The following BCO2 variants were observed in gnomAD, a reference collection of about 807,000 sequenced individuals.
BCO2 encodes the protein carotenoid-cleaving dioxygenase, mitochondrial.
BCO2 carries 56 observed loss-of-function variants against 65.8 expected under a neutral mutation model. The observed-to-expected ratio is 0.85, with a 90% CI of 0.69 to 1.06. BCO2 has a LOEUF of 1.06. Among genes scored for constraint, BCO2 ranks in the 50% least tolerant of loss-of-function variants. The pLI, the probability that BCO2 is intolerant of heterozygous loss-of-function variation, is 0.00. For missense variants in BCO2, 675 were observed against 698.5 expected, an observed-to-expected ratio of 0.97 and a Z score of 0.38; for synonymous variants, 233 against 242.3, an observed-to-expected ratio of 0.96 and a Z score of 0.36.
chr11:112,199,073 A>G (rs946143854), intron 5 of BCO2, among the ~76,000 whole-genome samples: 2 of 152,082 alleles, frequency 1.3e-5, no homozygotes, highest in Non-Finnish European at 2.9e-5. Flanking sequence ...CCTGTCATCT[A>G]CATTAGGTAT....
chr11:112,197,898 G>T (rs933348578), intron 5 of BCO2, among the ~76,000 whole-genome samples: 4 of 152,156 alleles, frequency 2.6e-5, no homozygotes, highest in African/African-American at 9.7e-5. Flanking sequence ...TTTTGCATTT[G>T]CTCTTCCCTC....
chr11:112,201,732 T>C (rs1429166325), intron 7 of BCO2, among the ~76,000 whole-genome samples: 1 of 152,220 alleles, frequency 6.6e-6, no homozygotes, highest in Admixed American at 6.5e-5. Flanking sequence ...GATTTACATA[T>C]CACTCAAAAC....
At position 112,181,499 on chromosome 11, in the gene BCO2, G is replaced by A. The variant is rs1867049927; in HGVS notation, c.293+2017G>A. 6.9e-6 allele frequency: 5 copies of A among 720,370 alleles called. No individual in the cohort carries two copies. The East Asian group carries it at 7.9e-5, about 11-fold the overall frequency. 44.6% of individuals were successfully genotyped at this position (720,370 alleles called of 1,614,324 possible). On this transcript the variant is annotated intron_variant, in intron 2 of 11. Coordinates refer to ENST00000357685, the MANE Select transcript of BCO2 (RefSeq NM_031938.7). ...CCCGGCCGAGCTTTCTTAATTGACC[G>A]AAGTCCTGAGTACTTTGAACCCATT... is the stretch of plus-strand genomic sequence containing the variant.
chr11:112,187,242 G>A (rs1198424308), intron 2 of BCO2, among the ~76,000 whole-genome samples: 1 of 151,860 alleles, frequency 6.6e-6, no homozygotes, highest in Non-Finnish European at 1.5e-5. Context: ...AGACTTTACC[G>A]TCAGTCACTT....
chr11:112,208,111 C>T (rs1859399256), intron 8 of BCO2, among the ~76,000 whole-genome samples: 2 of 152,128 alleles, frequency 1.3e-5, no homozygotes, highest in Admixed American at 1.3e-4. Flanking sequence ...AGGCATGTGC[C>T]ACCATTCCTG....
intron 1 of BCO2, chr11:112,176,293 GGTA>G (rs1269802089): frequency 2.0e-5 from 3 of 152,520 alleles, no homozygotes; most frequent in Non-Finnish European, 2.9e-5. Flanking sequence ...AAGGAGTACT[GGTA>G]GTATCATTTA....
At chr11:112,183,931 A>G (rs1178991097) in intron 2 of BCO2, among the ~76,000 whole-genome samples, 2 of 152,194 alleles carry the variant, frequency 1.3e-5, no homozygotes, top group Non-Finnish European at 2.9e-5. Context: ...AACACTTACA[A>G]ATGAGAATTT....
intron 2 of BCO2, chr11:112,181,002 C>T (rs1867025787): frequency 7.1e-7 from 1 of 1,401,566 alleles, no homozygotes; most frequent in Non-Finnish European, 1.0e-6. Context: ...CAGACAGATT[C>T]TAAGCCTCCT....
chr11:112,184,883 G>A (rs535767745), intron 2 of BCO2, among the ~76,000 whole-genome samples: 1 of 152,170 alleles, frequency 6.6e-6, no homozygotes, highest in African/African-American at 2.4e-5. Flanking sequence ...ATCATTGAAA[G>A]CCACCTGTGT....
At chr11:112,216,172 C>G in intron 10 of BCO2, 48 bp from the exon 11 acceptor site, 1 of 1,290,612 alleles carries the variant, frequency 7.7e-7, no homozygotes, top group Middle Eastern at 1.8e-4. Context: ...TAGAAAGCTC[C>G]CTACTTACTA....
At chr11:112,216,403 CTCA>C in intron 11 of BCO2, 73 bp downstream of exon 11, 2 of 1,066,498 alleles carry the variant, frequency 1.9e-6, no homozygotes. Flanking sequence ...AGGATGCACA[CTCA>C]TCTGTCGATA....
intron 2 of BCO2, among the ~76,000 whole-genome samples, chr11:112,184,003 C>A (rs943862427): frequency 1.3e-5 from 2 of 152,194 alleles, no homozygotes; most frequent in African/African-American, 4.8e-5. Context: ...TGTCTGTTTA[C>A]ACTATTAGCC....
Position 112,179,409 on chromosome 11 carries a change from G to A in BCO2, c.220G>A (p.Gly74Arg), listed in dbSNP as rs1866969673. Residue 74 changes from glycine to arginine, a missense_variant, in exon 2 of 12, where the codon GGA becomes AGA. Physicochemically the swap from Gly to Arg is moderately radical, Grantham distance 125. Transcript: ENST00000357685. ...ACGGGGCATCTCTGCTCGAGTCTGG[G>A]GACATTTTCCTAAGTGGCTCAATGG... ...APRGISARVW[G>R]HFPKWLNGSL... is the part of the protein sequence containing the mutation. 1.2e-6 allele frequency: 2 copies of A among 1,614,126 alleles called. No individual in the cohort carries two copies. Among genetic ancestry groups the A allele is most frequent in the South Asian group, 1.1e-5 (1 of 91,086 alleles).
intron 2 of BCO2, chr11:112,180,769 C>G: frequency 1.1e-6 from 1 of 947,134 alleles, no homozygotes; most frequent in Non-Finnish European, 1.7e-6. Flanking sequence ...GTGGGGGCAG[C>G]GTGATGAGGC....
At position 112,175,673 on chromosome 11, in the gene BCO2, G is replaced by C. The variant is rs1422906737; in HGVS notation, c.72G>C (p.Met24Ile). 1 of 1,613,400 alleles carries C rather than the reference G, an allele frequency of 6.2e-7. No homozygotes were observed. The highest frequency in any genetic ancestry group is 1.3e-5 in the African/African-American group (1 of 74,880). ...SATAVDFLPV[M>I]VHRLPVFKRY... ...CTGCAGTGGATTTCCTTCCTGTGAT[G>C]GTGCACCGGCTCCCAGGTAGAGGGT... Residue 24 changes from methionine (M) to isoleucine (I), a missense_variant, in exon 1 of 12, where the codon ATG becomes ATC. Transcript: ENST00000357685.
intron 10 of BCO2, chr11:112,215,195 A>G: frequency 2.1e-6 from 1 of 478,860 alleles, no homozygotes; most frequent in Non-Finnish European, 3.8e-6. Flanking sequence ...TTGTGGGGTT[A>G]GGGTTGTTAG....
At chr11:112,207,640 C>T (rs902152073) in intron 8 of BCO2, among the ~76,000 whole-genome samples, 2 of 152,144 alleles carry the variant, frequency 1.3e-5, no homozygotes, top group African/African-American at 4.8e-5. Context: ...TGGCCCTTCA[C>T]GTTTTTGTAG....
intron 2 of BCO2, among the ~76,000 whole-genome samples, chr11:112,192,680 T>C (rs1867425617): frequency 6.8e-6 from 1 of 147,068 alleles, no homozygotes; most frequent in South Asian, 2.1e-4. Flanking sequence ...TTTCTTTCTT[T>C]TTTTTTTTTT....
intron 10 of BCO2, 157 bp downstream of exon 10, chr11:112,215,101 G>A (rs1469878341): frequency 1.3e-5 from 9 of 696,482 alleles, no homozygotes; most frequent in Non-Finnish European, 1.9e-5. Context: ...TAAGTTAGGG[G>A]TATGTTCCTT....
Sources: allele counts gnomAD v4.1 joint callset (sites outside exome capture counted in the v4.1 genomes callset), GRCh38; gene constraint gnomAD v4.1.1; transcripts MANE v1.5; gene names NCBI Gene and HGNC (gene_info 2026-07-23, HGNC 2026-07-21).